Variants in TTC28 observed in about 807,000 individuals in gnomAD.
TTC28 encodes tetratricopeptide repeat protein 28.
A neutral mutation model predicts 198.0 loss-of-function variants in TTC28; 61 were observed. That is an observed-to-expected ratio of 0.31 (90% confidence interval 0.25 to 0.38). The LOEUF is 0.38. TTC28 is among the 10% of genes least tolerant of loss of function. The pLI is 1.00. For missense variants in TTC28, 2,678 were observed against 3,164.0 expected (o/e 0.85, Z 3.69); for synonymous variants, 1,171 against 1,297.8 (o/e 0.90, Z 2.10).
At chr22:28,417,586 GT>G (rs1489048674) in intron 2 of TTC28, among the ~76,000 whole-genome samples, 1 of 152,136 alleles carries the variant, frequency 6.6e-6, no homozygotes, top group Non-Finnish European at 1.5e-5. Context: ...AATTTACAAG[GT>G]TTAGATTTTA....
chr22:28,321,595 T>C (rs34783791), intron 2 of TTC28, among the ~76,000 whole-genome samples: 9,439 of 152,222 alleles, frequency 0.062, 465 homozygotes, highest in African/African-American at 0.14. Context: ...TTTTGTGCAA[T>C]AGTCATCATA....
chr22:28,359,726 CTG>C (rs1430839347), intron 2 of TTC28, among the ~76,000 whole-genome samples: 3 of 152,136 alleles, frequency 2.0e-5, no homozygotes, highest in African/African-American at 7.2e-5. Flanking sequence ...ACAAGAGAAG[CTG>C]TGTTTATAGA....
chr22:28,403,975 C>A (rs911662235), intron 2 of TTC28, among the ~76,000 whole-genome samples: 2 of 152,162 alleles, frequency 1.3e-5, no homozygotes, highest in Admixed American at 1.3e-4. Flanking sequence ...AGGTAACAAG[C>A]CTCCATCATC....
intron 14 of TTC28, among the ~76,000 whole-genome samples, chr22:28,004,080 G>A (rs1786539988): frequency 6.6e-6 from 1 of 152,238 alleles, no homozygotes; most frequent in Non-Finnish European, 1.5e-5. Context: ...ACACCTTCAT[G>A]GCAGCATGGC....
chr22:28,014,489 T>C lies in TTC28; in HGVS notation c.4074-97A>G. On this transcript the variant is annotated intron_variant, in intron 13 of 22. Coordinates refer to ENST00000397906, the MANE Select transcript of TTC28 (RefSeq NM_001145418.2). ...CCATGCCCCTGTATGGAAGGCAGGC[T>C]GAGGCTTCACAGCAGCAACCCCGCC... 2.9e-6 allele frequency: 4 copies of C among 1,391,666 alleles called. 1 individual carries two copies. The South Asian group carries it at 6.2e-5, about 22-fold the overall frequency. 86.2% of individuals were successfully genotyped at this position (1,391,666 alleles called of 1,614,324 possible). A position where few individuals can be genotyped will look rare whatever the true frequency, so the allele number is the denominator to read the frequency against.
In TTC28 at chr22:28,372,685, T is replaced by C. The variant is rs141789030; in HGVS notation, c.382-66042A>G. 2.4e-4 allele frequency among the ~76,000 whole-genome samples: 37 copies of C among 152,298 alleles called. No homozygotes were observed. In the East Asian group the frequency reaches 4.6e-3, roughly 19 times the overall value. On this transcript the variant is annotated intron_variant, in intron 2 of 22. Coordinates refer to ENST00000397906, the MANE Select transcript of TTC28 (RefSeq NM_001145418.2). The stretch of plus-strand genomic sequence containing the variant: ...ACTCGTAGATGCTGATGGTCAGCTT[T>C]TCCTTCTCCTTTCTTCTCAATGAAT...
intron 5 of TTC28, among the ~76,000 whole-genome samples, chr22:28,251,791 C>A (rs1444642041): frequency 6.6e-6 from 1 of 152,090 alleles, no homozygotes; most frequent in African/African-American, 2.4e-5. Context: ...AGTTTCATTT[C>A]ACTCTCCATT....
At chr22:28,677,937 CAA>C (rs1299057405) in intron 1 of TTC28, among the ~76,000 whole-genome samples, 1 of 122,872 alleles carries the variant, frequency 8.1e-6, no homozygotes. Context: ...GGCTCCGTCT[CAA>C]AAAAAAAAAG....
chr22:28,520,924 G>A lies in TTC28; in HGVS notation c.381+108628C>T, dbSNP rs112076018. On this transcript the variant is annotated intron_variant, in intron 2 of 22. Transcript: ENST00000397906. ...AAAAATTAGCCAGGCGTAGTGGCACGTGCCTGTAGTCCCAGCTACTTGGGA... is the reference window on the plus strand; with the variant it reads ...AAAAATTAGCCAGGCGTAGTGGCACATGCCTGTAGTCCCAGCTACTTGGGA... Among the ~76,000 whole-genome samples the A allele has an allele frequency of 9.2e-5, 14 of 152,162 alleles. No individual in the cohort carries two copies. In the South Asian group the frequency reaches 2.5e-3, roughly 27 times the overall value.
At chr22:28,559,528 G>A (rs868367660) in intron 2 of TTC28, among the ~76,000 whole-genome samples, 5 of 151,960 alleles carry the variant, frequency 3.3e-5, no homozygotes, top group Non-Finnish European at 5.9e-5. Context: ...CCACCACCCC[G>A]GCCTAAGACA....
chr22:28,414,868 G>C (rs764041055), intron 2 of TTC28, among the ~76,000 whole-genome samples: 6 of 152,094 alleles, frequency 3.9e-5, no homozygotes, highest in Non-Finnish European at 8.8e-5. Context: ...GAAATAAATG[G>C]AGTAATAAGC....
At chr22:28,082,400 C>A (rs976511508) in intron 12 of TTC28, among the ~76,000 whole-genome samples, 1 of 152,126 alleles carries the variant, frequency 6.6e-6, no homozygotes, top group African/African-American at 2.4e-5. Flanking sequence ...TCATATATGG[C>A]CTTCACTATG....
chr22:28,600,246 CA>C (rs71316849), intron 2 of TTC28, among the ~76,000 whole-genome samples: 22 of 144,732 alleles, frequency 1.5e-4, no homozygotes, highest in African/African-American at 4.8e-4. Context: ...AGATTGAAAA[CA>C]AAAAAAAAAC....
Position 27,982,101 on chromosome 22 carries a change from C to T in TTC28, c.*120G>A. On this transcript the variant is annotated 3_prime_UTR_variant, in exon 23 of 23. Coordinates refer to ENST00000397906, the MANE Select transcript of TTC28 (RefSeq NM_001145418.2). This position sits in a 1 kb window ranked among gnomAD's most constrained non-coding sequence, Gnocchi z 5.2. ...TGGACGTGGTGGTGCCCCTCGCCTG[C>T]AGAGCACAGCATCATGAGGGTGCTG... The T allele has an allele frequency of 9.2e-7, 1 of 1,083,612 alleles. No homozygotes were observed. The highest frequency in any genetic ancestry group is 1.6e-5 in the African/African-American group (1 of 62,642). 67.1% of individuals were successfully genotyped at this position (1,083,612 alleles called of 1,614,324 possible).
chr22:28,188,428 G>A (rs761977062), intron 5 of TTC28, among the ~76,000 whole-genome samples: 1 of 152,110 alleles, frequency 6.6e-6, no homozygotes, highest in Non-Finnish European at 1.5e-5. Context: ...AGGAATTGAG[G>A]CACTAAGGGC....
At chr22:28,476,995 A>G (rs544958172) in intron 2 of TTC28, among the ~76,000 whole-genome samples, 1 of 152,362 alleles carries the variant, frequency 6.6e-6, no homozygotes, top group Non-Finnish European at 1.5e-5. Context: ...ATTACGTTGA[A>G]TGAAAGGAGC....
chr22:28,031,319 G>T (rs1213067080), intron 12 of TTC28, among the ~76,000 whole-genome samples: 1 of 152,154 alleles, frequency 6.6e-6, no homozygotes, highest in African/African-American at 2.4e-5. Flanking sequence ...TAGGCATCAG[G>T]ACCACATTCA....
intron 12 of TTC28, among the ~76,000 whole-genome samples, chr22:28,069,925 AACACACACACACACAC>A (rs60436240): frequency 2.0e-3 from 289 of 142,142 alleles, no homozygotes; most frequent in Non-Finnish European, 3.7e-3. Flanking sequence ...AGGTTGTACA[AACACACACACACACAC>A]ACACACACAC....
In TTC28 at chr22:28,531,818, A is replaced by G. The variant is rs1458800134; in HGVS notation, c.381+97734T>C. Among the ~76,000 whole-genome samples, 6 of 152,260 alleles carry G rather than the reference A, an allele frequency of 3.9e-5. No individual in the cohort carries two copies. In the East Asian group the frequency reaches 9.6e-4, roughly 24 times the overall value. ...CTGCTCCTGAATGACTACTGGGTAC[A>G]TAACGAAATGAAGGCAGAAGTAAAG... On this transcript the variant is annotated intron_variant, in intron 2 of 22. Coordinates refer to ENST00000397906, the MANE Select transcript of TTC28 (RefSeq NM_001145418.2).
Sources: allele counts gnomAD v4.1 joint callset (sites outside exome capture counted in the v4.1 genomes callset), GRCh38; gene constraint gnomAD v4.1.1; non-coding constraint Gnocchi (gnomAD v3.1); transcripts MANE v1.5; gene names NCBI Gene and HGNC (gene_info 2026-07-23, HGNC 2026-07-21).